OPCML: variants seen among roughly 807,000 people sequenced by gnomAD.
OPCML encodes the protein opioid binding protein/cell adhesion molecule like, also known as opioid-binding protein/cell adhesion molecule.
OPCML carries 13 observed loss-of-function variants against 37.8 expected under a neutral mutation model. The observed-to-expected ratio is 0.34, with a 90% CI of 0.22 to 0.55. The LOEUF is 0.55. Ranked by LOEUF, OPCML falls within the 20% of genes least tolerant of loss-of-function variation. The pLI is 0.91. For synonymous variants in OPCML, 176 were observed against 168.8 expected, an observed-to-expected ratio of 1.04 and a Z score of -0.33; for missense variants, 341 against 435.6, an observed-to-expected ratio of 0.78 and a Z score of 1.93.
At chr11:132,710,652 A>G (rs1366943986) in intron 2 of OPCML, among the ~76,000 whole-genome samples, 1 of 151,342 alleles carries the variant, frequency 6.6e-6, no homozygotes, top group Admixed American at 6.6e-5. Context: ...CAGGACTTTG[A>G]GACCAGCTTG....
At chr11:133,407,074 A>G (rs534074738) in intron 1 of OPCML, among the ~76,000 whole-genome samples, 1 of 152,310 alleles carries the variant, frequency 6.6e-6, no homozygotes, top group South Asian at 2.1e-4. Flanking sequence ...TGAACTGCTA[A>G]GCAGTATATT....
At chr11:133,333,095 G>T (rs895080926) in intron 1 of OPCML, among the ~76,000 whole-genome samples, 1 of 152,216 alleles carries the variant, frequency 6.6e-6, no homozygotes, top group East Asian at 1.9e-4. Context: ...GTCTCGTTTT[G>T]TTACCCGGGT....
At chr11:132,635,477 T>C (rs1940432202) in intron 3 of OPCML, among the ~76,000 whole-genome samples, 1 of 151,990 alleles carries the variant, frequency 6.6e-6, no homozygotes, top group Non-Finnish European at 1.5e-5. Flanking sequence ...ACTCATTTTT[T>C]TCCCCAGTCT....
chr11:133,242,986 G>A (rs1362957772), intron 1 of OPCML, among the ~76,000 whole-genome samples: 9 of 152,170 alleles, frequency 5.9e-5, no homozygotes, highest in African/African-American at 1.9e-4. Context: ...ATGTTACACC[G>A]TGGTCTCTGC....
chr11:132,616,011 C>A (rs569090542), intron 3 of OPCML, among the ~76,000 whole-genome samples: 2 of 152,176 alleles, frequency 1.3e-5, no homozygotes, highest in South Asian at 2.1e-4. Flanking sequence ...CTGTTTATGA[C>A]TACCTGGTTT....
chr11:133,238,668 G>C (rs965872824), intron 1 of OPCML, among the ~76,000 whole-genome samples: 1 of 152,048 alleles, frequency 6.6e-6, no homozygotes, highest in African/African-American at 2.4e-5. Flanking sequence ...CTGAAGTCTC[G>C]GAGTCATAAA....
At chr11:132,422,739 G>T (rs547175219) in intron 7 of OPCML, among the ~76,000 whole-genome samples, 1 of 152,328 alleles carries the variant, frequency 6.6e-6, no homozygotes, top group Non-Finnish European at 1.5e-5. Flanking sequence ...CGCAACTTAT[G>T]CACCTTGAGC....
At chr11:132,477,136 G>C (rs2136990736) in intron 4 of OPCML, among the ~76,000 whole-genome samples, 1 of 152,264 alleles carries the variant, frequency 6.6e-6, no homozygotes, top group African/African-American at 2.4e-5. Context: ...ACAGATAACA[G>C]AGTGCAACCC....
At chr11:132,519,831 G>T (rs1298106947) in intron 4 of OPCML, among the ~76,000 whole-genome samples, 3 of 152,122 alleles carry the variant, frequency 2.0e-5, no homozygotes, top group African/African-American at 7.2e-5. Flanking sequence ...TAGAAACAAG[G>T]CTCCTAGCTG....
intron 3 of OPCML, among the ~76,000 whole-genome samples, chr11:132,537,026 A>G (rs1184041042): frequency 6.6e-6 from 1 of 152,034 alleles, no homozygotes; most frequent in African/African-American, 2.4e-5. Flanking sequence ...CTGGTCTAAA[A>G]CCCTGGGAGC....
intron 3 of OPCML, among the ~76,000 whole-genome samples, chr11:132,606,477 G>T (rs1440377658): frequency 6.6e-6 from 1 of 152,106 alleles, no homozygotes; most frequent in Non-Finnish European, 1.5e-5. Context: ...ATGTCTGCGG[G>T]GTTTGCTTTG....
intron 3 of OPCML, among the ~76,000 whole-genome samples, chr11:132,619,729 G>A (rs61906406): frequency 2.0e-5 from 3 of 150,248 alleles, no homozygotes; most frequent in Non-Finnish European, 3.0e-5. Flanking sequence ...GCGGGCGCCT[G>A]TAGTCCCAGC....
At chr11:132,881,897 A>C (rs1943238023) in intron 2 of OPCML, among the ~76,000 whole-genome samples, 1 of 152,248 alleles carries the variant, frequency 6.6e-6, no homozygotes, top group Admixed American at 6.5e-5. Flanking sequence ...GTTGATTTGC[A>C]TATTTAGCAT....
intron 2 of OPCML, among the ~76,000 whole-genome samples, chr11:132,774,550 C>T (rs969302015): frequency 6.6e-6 from 1 of 152,200 alleles, no homozygotes; most frequent in African/African-American, 2.4e-5. Context: ...TTATTCTGTG[C>T]TTGCAAAGTG....
intron 4 of OPCML, among the ~76,000 whole-genome samples, chr11:132,521,885 C>T (rs111647412): frequency 1.1e-4 from 17 of 152,126 alleles, no homozygotes; most frequent in African/African-American, 3.9e-4. Flanking sequence ...GTGTATAGTT[C>T]GGCAACATTC....
intron 2 of OPCML, among the ~76,000 whole-genome samples, chr11:132,895,873 G>C (rs1943820457): frequency 6.6e-6 from 1 of 152,030 alleles, no homozygotes; most frequent in Non-Finnish European, 1.5e-5. Context: ...TAGAGGTGAG[G>C]TTCAAAGTGT....
At chr11:132,713,207 C>T (rs889608758) in intron 2 of OPCML, among the ~76,000 whole-genome samples, 1 of 152,170 alleles carries the variant, frequency 6.6e-6, no homozygotes, top group Non-Finnish European at 1.5e-5. Context: ...CACGACGCTT[C>T]GTAATTCATC....
At chr11:133,433,638 C>A (rs1946172526) in intron 1 of OPCML, among the ~76,000 whole-genome samples, 1 of 152,206 alleles carries the variant, frequency 6.6e-6, no homozygotes, top group Admixed American at 6.5e-5. Context: ...AATTAACACT[C>A]ATGGGAGAGC....
chr11:132,786,942 G>A (rs999279532), intron 2 of OPCML, among the ~76,000 whole-genome samples: 2 of 152,166 alleles, frequency 1.3e-5, no homozygotes, highest in African/African-American at 2.4e-5. Flanking sequence ...GCATGGAGTA[G>A]GAAGTTCTAG....
Sources: allele counts gnomAD v4.1 joint callset (sites outside exome capture counted in the v4.1 genomes callset), GRCh38; gene constraint gnomAD v4.1.1; transcripts MANE v1.5; gene names NCBI Gene and HGNC (gene_info 2026-07-23, HGNC 2026-07-21).